The following CYBB variants were observed in gnomAD, a reference collection of about 807,000 sequenced individuals.
CYBB encodes the protein cytochrome b-245 beta chain.
In CYBB, 5 loss-of-function variants were observed where a neutral mutation model predicts 46.5. That is an observed-to-expected ratio of 0.11 (90% CI 0.06 to 0.23). The LOEUF is 0.23. Ranked by LOEUF, CYBB falls within the 10% of genes least tolerant of loss-of-function variation. The pLI is 1.00. For synonymous variants in CYBB, 183 were observed against 156.7 expected, an observed-to-expected ratio of 1.17 and a Z score of -1.26; for missense variants, 307 against 428.3, an observed-to-expected ratio of 0.72 and a Z score of 2.50.
chrX:37,809,439 T>G (rs900655037), intron 11 of CYBB, 128 bp from the exon 12 acceptor site: 68 of 750,915 alleles, frequency 9.1e-5, no homozygotes, highest in Non-Finnish European at 1.3e-4. Context: ...CCAGTTTATT[T>G]ATCTTTGTTT....
chrX:37,798,957 G>A lies in CYBB; in HGVS notation c.677G>A (p.Arg226Gln), dbSNP rs782654718. 7.5e-6 allele frequency: 9 copies of A among 1,205,933 alleles called. No individual in the cohort carries two copies. The South Asian group carries it at 1.6e-4, about 21-fold the overall frequency. The change falls in exon 7 of 13, where the codon CGA becomes CAA. Residue 226 changes from arginine to glutamine, a missense_variant and splice_region_variant. Arg to Gln is a conservative substitution (Grantham distance 43). This residue lies in a region of CYBB where 82 missense variants were observed against 69.9 expected (regional missense o/e 1.17). Transcript: ENST00000378588. ...FIGLAIHGAERIVRGQTAESL... is the reference protein window; with the variant it reads ...FIGLAIHGAEQIVRGQTAESL... ...CTGGACTTACATTTTTCACCCAGAC[G>A]AATTGTACGTGGGCAGACCGCAGAG...
rs367874125 is a variant in CYBB, at chrX:37,793,897, C to CA, written c.483+100dup. 36,673 of 648,192 alleles carry CA rather than the reference C, an allele frequency of 0.057. 7 individuals carry two copies. Among genetic ancestry groups the CA allele is most frequent in the Non-Finnish European group, 0.062 (28,647 of 459,013 alleles). The allele number at this position is 648,192 out of a possible 1,213,427, so 53.4% of individuals were successfully genotyped here. ...CAGTGAGTGAAGACCTCTCCTTTGCCAAAAAAAAAAAAAGTTGGCTAACCA... is the reference window on the plus strand; with the variant it reads ...CAGTGAGTGAAGACCTCTCCTTTGCCAAAAAAAAAAAAAAGTTGGCTAACCA... On this transcript the variant is annotated intron_variant, in intron 5 of 12. Transcript: ENST00000378588.
In CYBB at chrX:37,811,476, T is replaced by G. The variant is rs5964151; in HGVS notation, c.*559T>G. 24,845 of 119,218 alleles carry G rather than the reference T, an allele frequency of 0.21. 2,188 individuals are homozygous for G. The highest frequency in any genetic ancestry group is 0.35 in the African/African-American group (10,605 of 30,465). The allele number at this position is 119,218 out of a possible 1,213,427, so 9.8% of individuals were successfully genotyped here. On this transcript the variant is annotated 3_prime_UTR_variant, in exon 13 of 13. Coordinates refer to ENST00000378588, the MANE Select transcript of CYBB (RefSeq NM_000397.4). ...CATGTTGAGAGTGTCTCAACACTTATTAGTGACAGTATTGACATCTGAGCA... is the reference window on the plus strand; with the variant it reads ...CATGTTGAGAGTGTCTCAACACTTAGTAGTGACAGTATTGACATCTGAGCA...
In CYBB at chrX:37,801,586, T is replaced by TTGTGTGTGTG. The variant is rs58302662; in HGVS notation, c.897+272_897+281dup. Among the ~76,000 whole-genome samples the TTGTGTGTGTG allele has an allele frequency of 5.5e-3, 467 of 84,519 alleles. 1 individual carries two copies. Among genetic ancestry groups the TTGTGTGTGTG allele is most frequent in the Middle Eastern group, 0.011 (2 of 189 alleles). The allele number at this position is 84,519 out of a possible 115,157, so 73.4% of individuals were successfully genotyped here. On this transcript the variant is annotated intron_variant, in intron 8 of 12. Coordinates refer to ENST00000378588, the MANE Select transcript of CYBB (RefSeq NM_000397.4). ...TCTGGACATCAATCTCCCCCACCCATTGTGTGTGTGTGTGTGTGTGTGTGT... is the reference window on the plus strand; with the variant it reads ...TCTGGACATCAATCTCCCCCACCCATTGTGTGTGTGTGTGTGTGTGTGTGTGTGTGTGTGT...
At chrX:37,780,513 T>C (rs1287025616) in intron 1 of CYBB, among the ~76,000 whole-genome samples, 2 of 111,600 alleles carry the variant, frequency 1.8e-5, no homozygotes, top group African/African-American at 6.5e-5. Context: ...AAATAAAAAA[T>C]ATAAGATTGA....
At chrX:37,789,591 T>C (rs148107944) in intron 3 of CYBB, among the ~76,000 whole-genome samples, 1,609 of 108,249 alleles carry the variant, frequency 0.015, 27 homozygotes, top group African/African-American at 0.05. Context: ...CAGGAAAAAG[T>C]TATTTCCTCA....
chrX:37,807,730 G>A (rs1929592540), intron 11 of CYBB, among the ~76,000 whole-genome samples: 1 of 111,148 alleles, frequency 9.0e-6, no homozygotes, highest in African/African-American at 3.3e-5. Flanking sequence ...ATGCATGTAT[G>A]TGTGTGTGTA....
chrX:37,805,987 C>T (rs1159608900), intron 10 of CYBB, among the ~76,000 whole-genome samples: 1 of 111,918 alleles, frequency 8.9e-6, no homozygotes, highest in Non-Finnish European at 1.9e-5. Flanking sequence ...TTTTTCCCCT[C>T]GGAACTCATG....
rs782508272 is a variant in CYBB at position 37,806,683 on chromosome X, G to A, written c.1461+150G>A. The A allele has an allele frequency of 3.1e-5, 17 of 550,752 alleles. No homozygotes were observed. In the East Asian group the frequency reaches 4.7e-4, roughly 15 times the overall value. The allele number at this position is 550,752 out of a possible 1,213,427, so 45.4% of individuals were successfully genotyped here. On this transcript the variant is annotated intron_variant, in intron 11 of 12. Coordinates refer to ENST00000378588, the MANE Select transcript of CYBB (RefSeq NM_000397.4). ...GGTCCATTCACTCTCATTTAGTATC[G>A]CCACATTATATTTAGACTGCTCAGA...
At chrX:37,786,466 C>A (rs1357996770) in intron 3 of CYBB, among the ~76,000 whole-genome samples, 11 of 111,624 alleles carry the variant, frequency 9.9e-5, no homozygotes, top group Non-Finnish European at 1.9e-4. Context: ...GTTATAAATA[C>A]AAGGACTTAA....
intron 3 of CYBB, among the ~76,000 whole-genome samples, chrX:37,790,350 A>ACTAT (rs1929172407): frequency 9.0e-6 from 1 of 111,637 alleles, no homozygotes; most frequent in African/African-American, 3.3e-5. Flanking sequence ...AATAATAGTG[A>ACTAT]CTATATTCCT....
rs1190399816 is a variant in CYBB, at chrX:37,810,979, T to C, written c.*62T>C. ...CTGCCAAATGCTCAAATAATGCTAA[T>C]TGATAATATAAATACCCCCTGCTTA... On this transcript the variant is annotated 3_prime_UTR_variant, in exon 13 of 13. Coordinates refer to ENST00000378588, the MANE Select transcript of CYBB (RefSeq NM_000397.4). 1.3e-5 allele frequency: 14 copies of C among 1,052,362 alleles called. No individual in the cohort carries two copies. Among genetic ancestry groups the C allele is most frequent in the Non-Finnish European group, 1.8e-5 (14 of 760,382 alleles). The allele number at this position is 1,052,362 out of a possible 1,213,427, so 86.7% of individuals were successfully genotyped here.
intron 11 of CYBB, among the ~76,000 whole-genome samples, chrX:37,809,068 A>G (rs1929617596): frequency 8.9e-6 from 1 of 112,591 alleles, no homozygotes; most frequent in East Asian, 2.8e-4. Flanking sequence ...ACATACACAC[A>G]CACTAGCTTT....
intron 2 of CYBB, 134 bp from the exon 3 acceptor site, chrX:37,783,356 T>A (rs1387083678): frequency 1.0e-5 from 5 of 502,049 alleles, no homozygotes; most frequent in Non-Finnish European, 3.6e-6. Context: ...AACCGTTGGC[T>A]CTGAAGGACC....
At chrX:37,796,829 G>A (rs976602611) in intron 6 of CYBB, among the ~76,000 whole-genome samples, 4 of 111,829 alleles carry the variant, frequency 3.6e-5, no homozygotes, top group African/African-American at 1.3e-4. Context: ...AAAATATGCA[G>A]CCTAAGCCAC....
At chrX:37,787,954 A>T (rs1214254683) in intron 3 of CYBB, among the ~76,000 whole-genome samples, 3 of 111,939 alleles carry the variant, frequency 2.7e-5, no homozygotes, top group Non-Finnish European at 5.6e-5. Flanking sequence ...TCCATTAGTT[A>T]CTAGTAATCT....
In CYBB at chrX:37,812,157, T is replaced by C. The variant is rs1929690227; in HGVS notation, c.*1240T>C. The C allele has an allele frequency of 1.8e-5, 2 of 112,354 alleles. No homozygotes were observed. Among genetic ancestry groups the C allele is most frequent in the African/African-American group, 6.5e-5 (2 of 30,871 alleles). 9.3% of individuals were successfully genotyped at this position (112,354 alleles called of 1,213,427 possible). The stretch of plus-strand genomic sequence containing the variant: ...AACAACCCAGAAACAAAAATCTCTA[T>C]ACAGAGATCAAATTCACACTCAATA... On this transcript the variant is annotated 3_prime_UTR_variant, in exon 13 of 13. Coordinates refer to ENST00000378588, the MANE Select transcript of CYBB (RefSeq NM_000397.4).
chrX:37,806,556 C>T (rs782107057), intron 11 of CYBB, 23 bp downstream of exon 11: 2 of 1,197,433 alleles, frequency 1.7e-6, no homozygotes, highest in South Asian at 3.6e-5. Context: ...CTCCAAGGCT[C>T]AGGTCCTTCC....
rs782096963 is a variant in CYBB, at chrX:37,796,129, T to C, written c.662T>C (p.Ile221Thr). 39 of 1,204,690 alleles carry C rather than the reference T, an allele frequency of 3.2e-5. No homozygotes were observed. Among genetic ancestry groups the C allele is most frequent in the Admixed American group, 6.6e-5 (3 of 45,654 alleles). Reference sequence around the variant, plus strand: ...GTGATCTTCTTCATTGGCCTTGCCATCCATGGAGCTGAGTGAGTGTTTAAA... The same window carrying C: ...GTGATCTTCTTCATTGGCCTTGCCACCCATGGAGCTGAGTGAGTGTTTAAA... ...LFVIFFIGLA[I>T]HGAERIVRGQ... The change falls in exon 6 of 13, where the codon ATC becomes ACC. Residue 221 changes from isoleucine to threonine, a missense_variant. Transcript: ENST00000378588.
Sources: allele counts gnomAD v4.1 joint callset (sites outside exome capture counted in the v4.1 genomes callset), GRCh38; gene constraint gnomAD v4.1.1; regional missense constraint gnomAD v4.1.1; transcripts MANE v1.5; gene names NCBI Gene and HGNC (gene_info 2026-07-23, HGNC 2026-07-21).